RFX3: variants seen among roughly 807,000 people sequenced by gnomAD.
The protein encoded by RFX3 is transcription factor RFX3.
RFX3 carries 14 observed loss-of-function variants against 98.6 expected under a neutral mutation model. The ratio of observed to expected loss-of-function variants is 0.14; its 90% CI spans 0.09 to 0.22. The LOEUF (loss-of-function observed/expected upper bound fraction) is 0.22, where lower values mean the gene tolerates loss of function less well. Among genes scored for constraint, RFX3 ranks in the 10% least tolerant of loss-of-function variants. The pLI is 1.00. For missense variants in RFX3, 639 were observed against 926.9 expected (o/e 0.69, Z 4.03); for synonymous variants, 383 against 328.4 (o/e 1.17, Z -1.80).
At chr9:3,409,400 C>T (rs1411017633) in intron 1 of RFX3, among the ~76,000 whole-genome samples, 1 of 152,202 alleles carries the variant, frequency 6.6e-6, no homozygotes, top group Non-Finnish European at 1.5e-5. Flanking sequence ...AATTGGCATT[C>T]AGCTGCGTTA....
chr9:3,368,639 T>G (rs953877588), intron 2 of RFX3, among the ~76,000 whole-genome samples: 4 of 152,234 alleles, frequency 2.6e-5, no homozygotes, highest in African/African-American at 9.6e-5. Flanking sequence ...CAAAAGATAT[T>G]ATTGACCTAA....
chr9:3,305,146 G>A (rs1399558039), intron 4 of RFX3, among the ~76,000 whole-genome samples: 1 of 152,060 alleles, frequency 6.6e-6, no homozygotes, highest in Non-Finnish European at 1.5e-5. Context: ...AGCACAGGCT[G>A]TGTCCATATT....
intron 4 of RFX3, among the ~76,000 whole-genome samples, chr9:3,314,699 CAA>C (rs950716224): frequency 2.1e-5 from 3 of 143,032 alleles, no homozygotes; most frequent in African/African-American, 7.7e-5. Context: ...AAATGGAAAA[CAA>C]AAAAAAAAGC....
chr9:3,524,175 ACATT>A lies in RFX3; in HGVS notation c.-9+1568_-9+1571del, dbSNP rs1587933868. Reference sequence around the variant, plus strand: ...TAGTACATTATATTTGTTTTAGCACACATTCATTATCAAAACTCTACTGATAAAT... The same window carrying A: ...TAGTACATTATATTTGTTTTAGCACACATTATCAAAACTCTACTGATAAAT... On this transcript the variant is annotated intron_variant, in intron 1 of 16. Transcript: ENST00000617270. Among the ~76,000 whole-genome samples, 4 of 152,354 alleles carry A rather than the reference ACATT, an allele frequency of 2.6e-5. No individual in the cohort carries two copies. The East Asian group carries it at 7.7e-4, about 29-fold the overall frequency.
At chr9:3,270,114 G>C (rs1407558702) in intron 11 of RFX3, among the ~76,000 whole-genome samples, 11 of 142,178 alleles carry the variant, frequency 7.7e-5, no homozygotes, top group Admixed American at 5.0e-4. Flanking sequence ...AAGAAAGAAA[G>C]AAAGAAAGAA....
rs542796201 is a variant in RFX3, at chr9:3,308,697, G to A, written c.475-7077C>T. Among the ~76,000 whole-genome samples the A allele has an allele frequency of 4.6e-5, 7 of 152,234 alleles. No individual in the cohort carries two copies. In the South Asian group the frequency reaches 1.5e-3, roughly 32 times the overall value. ...GTTGGAGCAACTTGCTGAGAGAGTG[G>A]TTTACAATGAAACCTATTCAGAGTA... On this transcript the variant is annotated intron_variant, in intron 4 of 16. Coordinates refer to ENST00000617270, the MANE Select transcript of RFX3 (RefSeq NM_001282116.2).
intron 14 of RFX3, among the ~76,000 whole-genome samples, chr9:3,254,251 A>G (rs1035108223): frequency 6.6e-6 from 1 of 151,948 alleles, no homozygotes; most frequent in African/African-American, 2.4e-5. Context: ...TGTATTTCTA[A>G]AATGACATCA....
intron 1 of RFX3, among the ~76,000 whole-genome samples, chr9:3,398,916 A>T (rs1841188467): frequency 1.0e-5 from 1 of 97,940 alleles, no homozygotes; most frequent in Non-Finnish European, 2.0e-5. Context: ...GAGTATAATA[A>T]AAAAAAAAAA....
intron 2 of RFX3, among the ~76,000 whole-genome samples, chr9:3,370,071 G>A (rs1318703091): frequency 1.4e-5 from 2 of 142,920 alleles, no homozygotes; most frequent in South Asian, 2.2e-4. Context: ...TCGATCTCCT[G>A]ACCTCGTGAT....
intron 1 of RFX3, among the ~76,000 whole-genome samples, chr9:3,458,485 A>G (rs1032971528): frequency 9.9e-5 from 15 of 152,210 alleles, no homozygotes; most frequent in Admixed American, 2.6e-4. Flanking sequence ...TCAGATCAGA[A>G]ACATCAGAAT....
At chr9:3,310,222 T>G (rs895506692) in intron 4 of RFX3, among the ~76,000 whole-genome samples, 1 of 152,156 alleles carries the variant, frequency 6.6e-6, no homozygotes, top group African/African-American at 2.4e-5. Flanking sequence ...ATGATTTACA[T>G]GGAACCAAAA....
rs370118205 is a variant in RFX3, at chr9:3,466,516, G to C, written c.-9+59231C>G. ...AAATGAAATCTATTAGTATAGGTTG[G>C]CACAAAAGTAATTGTGGCTTTTGCC... is the stretch of plus-strand genomic sequence containing the variant. On this transcript the variant is annotated intron_variant, in intron 1 of 16. Coordinates refer to ENST00000617270, the MANE Select transcript of RFX3 (RefSeq NM_001282116.2). 1.5e-3 allele frequency among the ~76,000 whole-genome samples: 225 copies of C among 152,276 alleles called. 1 individual carries two copies. The highest frequency in any genetic ancestry group is 5.0e-3 in the African/African-American group (209 of 41,568).
intron 2 of RFX3, chr9:3,394,789 CTT>C (rs1330077350): frequency 4.2e-5 from 41 of 974,218 alleles, no homozygotes; most frequent in Non-Finnish European, 4.9e-5. Context: ...TCTCACCACT[CTT>C]TAGAAGAAAT....
chr9:3,355,565 C>T (rs926402835), intron 2 of RFX3, among the ~76,000 whole-genome samples: 65 of 151,666 alleles, frequency 4.3e-4, no homozygotes, highest in Admixed American at 7.2e-4. Context: ...ACTGATATAA[C>T]GGAAAGAAGA....
intron 11 of RFX3, among the ~76,000 whole-genome samples, chr9:3,267,282 T>G (rs1182327733): frequency 1.3e-5 from 2 of 151,772 alleles, no homozygotes; most frequent in Non-Finnish European, 2.9e-5. Flanking sequence ...CCTTTGTAGG[T>G]TCTCTATAAT....
intron 2 of RFX3, among the ~76,000 whole-genome samples, chr9:3,367,493 A>T (rs1380041503): frequency 6.6e-6 from 1 of 152,188 alleles, no homozygotes; most frequent in Non-Finnish European, 1.5e-5. Flanking sequence ...GCACCCCCAG[A>T]CTTATGACCT....
intron 4 of RFX3, among the ~76,000 whole-genome samples, chr9:3,325,731 G>A (rs1211565385): frequency 6.6e-6 from 1 of 151,904 alleles, no homozygotes; most frequent in Non-Finnish European, 1.5e-5. Context: ...ATGTTGTGAT[G>A]AGCACCAAAA....
At chr9:3,503,637 T>C (rs1033594110) in intron 1 of RFX3, among the ~76,000 whole-genome samples, 4 of 152,084 alleles carry the variant, frequency 2.6e-5, no homozygotes, top group African/African-American at 7.2e-5. Flanking sequence ...AATAATAGAA[T>C]TCAAGACAAT....
chr9:3,508,509 C>T (rs901767628), intron 1 of RFX3, among the ~76,000 whole-genome samples: 6 of 151,754 alleles, frequency 4.0e-5, no homozygotes, highest in Non-Finnish European at 5.9e-5. Context: ...TCTGAAACAG[C>T]GGCATTAAAT....
Sources: gnomAD v4.1 joint callset for allele counts (sites outside exome capture counted in the v4.1 genomes callset) on GRCh38, gnomAD v4.1.1 for gene constraint, MANE v1.5 for transcripts, NCBI Gene and HGNC (gene_info 2026-07-23, HGNC 2026-07-21) for gene names.